The following DENND4C variants were observed in gnomAD, a reference collection of about 807,000 sequenced individuals.
DENND4C encodes DENN domain-containing protein 4C.
DENND4C carries 108 observed loss-of-function variants against 203.0 expected under a neutral mutation model. That is an observed-to-expected ratio of 0.53 (90% CI 0.46 to 0.62). The LOEUF is 0.62. Among genes scored for constraint, DENND4C ranks in the 20% least tolerant of loss-of-function variants. The pLI is 0.00. For synonymous variants in DENND4C, 871 were observed against 792.4 expected (o/e 1.10, Z -1.67); for missense variants, 2,481 against 2,301.2 (o/e 1.08, Z -1.60).
intron 18 of DENND4C, among the ~76,000 whole-genome samples, chr9:19,335,491 A>G (rs757652892): frequency 3.3e-5 from 5 of 152,158 alleles, no homozygotes; most frequent in African/African-American, 9.7e-5. Flanking sequence ...TTTGACCAAC[A>G]TCTTCCAGTG....
At chr9:19,231,874 G>A (rs552364044) in intron 1 of DENND4C, among the ~76,000 whole-genome samples, 42 of 151,856 alleles carry the variant, frequency 2.8e-4, no homozygotes, top group Non-Finnish European at 4.6e-4. Flanking sequence ...CCTAATTTAC[G>A]TAGGAATAGG....
intron 1 of DENND4C, among the ~76,000 whole-genome samples, chr9:19,266,143 T>C (rs10964074): frequency 0.49 from 74,079 of 151,964 alleles, 18,965 homozygotes; most frequent in South Asian, 0.65. Flanking sequence ...TTAATGATCG[T>C]CATTCTAACT....
In DENND4C at chr9:19,372,020, T is replaced by C; in HGVS notation, c.5741-17T>C. The C allele has an allele frequency of 6.3e-7, 1 of 1,599,144 alleles. No homozygotes were observed. ...TTCTTAACAAATTACAACTTCATTTTTGAAAATTTCTTTCAGAGGCATTTG... is the reference window on the plus strand; with the variant it reads ...TTCTTAACAAATTACAACTTCATTTCTGAAAATTTCTTTCAGAGGCATTTG... On this transcript the variant is annotated splice_polypyrimidine_tract_variant and intron_variant, in intron 32 of 32. Coordinates refer to ENST00000434457, the MANE Select transcript of DENND4C (RefSeq NM_001330640.2).
At chr9:19,276,691 A>G (rs1488498610) in intron 2 of DENND4C, 18 of 357,100 alleles carry the variant, frequency 5.0e-5, no homozygotes, top group Admixed American at 1.4e-4. Context: ...GAATTGTTAG[A>G]TCATTTGCTT....
intron 30 of DENND4C, among the ~76,000 whole-genome samples, chr9:19,365,242 G>T (rs1287362861): frequency 2.6e-5 from 4 of 152,156 alleles, no homozygotes; most frequent in Admixed American, 1.3e-4. Flanking sequence ...TGCAATTGTG[G>T]TTTAACATTT....
intron 9 of DENND4C, among the ~76,000 whole-genome samples, chr9:19,300,956 G>C (rs1186204744): frequency 6.6e-6 from 1 of 152,184 alleles, no homozygotes; most frequent in Non-Finnish European, 1.5e-5. Context: ...GAGGTAGGCG[G>C]ATCACCTGAG....
intron 31 of DENND4C, 33 bp from the exon 32 acceptor site, chr9:19,371,723 C>A: frequency 9.0e-7 from 1 of 1,106,430 alleles, no homozygotes; most frequent in Non-Finnish European, 1.3e-6. Flanking sequence ...ATGCTATTTG[C>A]CCATTGACTT....
intron 1 of DENND4C, among the ~76,000 whole-genome samples, chr9:19,242,855 C>T (rs1824122966): frequency 6.6e-6 from 1 of 151,974 alleles, no homozygotes; most frequent in African/African-American, 2.4e-5. Flanking sequence ...GGGGTTTCAC[C>T]ATGTTGGCTA....
rs553930264 is a variant in DENND4C at position 19,373,706 on chromosome 9, T to A, written c.*1533T>A. ...TTAGGAACAGTAAGTTTGCCTTAAC[T>A]CTCTGCATGGTTTAAAAAGCCATTG... On this transcript the variant is annotated 3_prime_UTR_variant, in exon 33 of 33. Coordinates refer to ENST00000434457, the MANE Select transcript of DENND4C (RefSeq NM_001330640.2). Among the ~76,000 whole-genome samples the A allele has an allele frequency of 2.6e-5, 4 of 152,298 alleles. No homozygotes were observed. The highest frequency in any genetic ancestry group is 4.8e-5 in the African/African-American group (2 of 41,578).
Position 19,346,576 on chromosome 9 carries a change from A to G in DENND4C, c.3807A>G (p.Glu1269=). The change falls in exon 23 of 33, where the codon GAA becomes GAG. Residue 1269 remains glutamate (E), a synonymous_variant. Transcript: ENST00000434457. ...CAGGAGGAAAAACTCCTGATTCTGA[A>G]GATAAGTTGTTTTCTCCAGTTATTG... ...ECTGGKTPDS[E]DKLFSPVIAR... 6.2e-7 allele frequency: 1 copy of G among 1,614,186 alleles called. No individual in the cohort carries two copies. Among genetic ancestry groups the G allele is most frequent in the Non-Finnish European group, 8.5e-7 (1 of 1,180,040 alleles).
intron 7 of DENND4C, among the ~76,000 whole-genome samples, chr9:19,298,336 T>C (rs551321594): frequency 1.6e-4 from 24 of 152,216 alleles, no homozygotes; most frequent in Non-Finnish European, 3.5e-4. Flanking sequence ...CCTTGGTTCA[T>C]AACATTTTCA....
At position 19,372,412 on chromosome 9, in the gene DENND4C, T is replaced by A. The variant is rs1018965812; in HGVS notation, c.*239T>A. On this transcript the variant is annotated 3_prime_UTR_variant, in exon 33 of 33. Coordinates refer to ENST00000434457, the MANE Select transcript of DENND4C (RefSeq NM_001330640.2). ...TCAACCCCTGAACTGCTTTTCTGCC[T>A]CTGTGGAAAACTACTTTGGGATTCT... The A allele has an allele frequency of 1.0e-5, 4 of 391,100 alleles. No homozygotes were observed. Among genetic ancestry groups the A allele is most frequent in the Non-Finnish European group, 1.3e-5 (3 of 225,802 alleles). 24.2% of individuals were successfully genotyped at this position (391,100 alleles called of 1,614,324 possible).
At chr9:19,326,234 T>C in intron 15 of DENND4C, 40 bp downstream of exon 15, 1 of 1,564,018 alleles carries the variant, frequency 6.4e-7, no homozygotes, top group Non-Finnish European at 8.6e-7. Context: ...GCACAGCCTA[T>C]CAGTTTCTTT....
At chr9:19,316,592 C>A in intron 11 of DENND4C, 29 bp from the exon 12 acceptor site, 2 of 1,605,514 alleles carry the variant, frequency 1.2e-6, no homozygotes, top group Non-Finnish European at 1.7e-6. Flanking sequence ...TAACATAATA[C>A]CATTTTCTGT....
At chr9:19,247,755 A>G (rs947779413) in intron 1 of DENND4C, among the ~76,000 whole-genome samples, 10 of 152,176 alleles carry the variant, frequency 6.6e-5, no homozygotes, top group Non-Finnish European at 1.5e-5. Flanking sequence ...AACTTGTCCA[A>G]AAAAGAATTA....
At chr9:19,324,654 A>G in intron 13 of DENND4C, 147 bp downstream of exon 13, 1 of 783,214 alleles carries the variant, frequency 1.3e-6, no homozygotes, top group African/African-American at 1.8e-5. Context: ...TCTGGGCTGA[A>G]TATATGAATA....
At chr9:19,273,939 A>G (rs567749922) in intron 1 of DENND4C, among the ~76,000 whole-genome samples, 3 of 152,198 alleles carry the variant, frequency 2.0e-5, no homozygotes, top group Non-Finnish European at 2.9e-5. Flanking sequence ...CATTATGTCC[A>G]TAAGATTTGT....
chr9:19,292,028 C>T (rs1836427976), intron 5 of DENND4C, among the ~76,000 whole-genome samples: 2 of 150,652 alleles, frequency 1.3e-5, no homozygotes, highest in African/African-American at 5.0e-5. Flanking sequence ...AATAATCCCA[C>T]CTCTTTTTTT....
intron 12 of DENND4C, among the ~76,000 whole-genome samples, chr9:19,318,063 A>G (rs1168995780): frequency 6.6e-6 from 1 of 152,266 alleles, no homozygotes. Flanking sequence ...TCACGCCTGT[A>G]ATCCCAACAC....
Sources: allele counts gnomAD v4.1 joint callset (sites outside exome capture counted in the v4.1 genomes callset), GRCh38; gene constraint gnomAD v4.1.1; transcripts MANE v1.5; gene names NCBI Gene and HGNC (gene_info 2026-07-23, HGNC 2026-07-21).